ANO2: variants seen among roughly 807,000 people sequenced by gnomAD.
The protein encoded by ANO2 is anoctamin-2.
ANO2 carries 101 observed loss-of-function variants against 124.2 expected under a neutral mutation model. The observed-to-expected ratio is 0.81, with a 90% CI of 0.69 to 0.96. The LOEUF is 0.96. Ranked by LOEUF, ANO2 falls within the 40% of genes least tolerant of loss-of-function variation. The probability of loss-of-function intolerance (pLI) is 0.00; values close to 1 mark genes in which losing one functional copy is unlikely to be tolerated. For synonymous variants in ANO2, 486 were observed against 482.5 expected (o/e 1.01, Z -0.09); for missense variants, 1,293 against 1,274.5 (o/e 1.01, Z -0.22).
intron 13 of ANO2, chr12:5,739,055 A>C (rs1022884441): frequency 1.8e-5 from 11 of 615,594 alleles, no homozygotes; most frequent in African/African-American, 1.6e-4. Context: ...CTCTTTCCCC[A>C]GAGGAGGGCA....
At chr12:5,760,406 A>C (rs893603472) in intron 10 of ANO2, among the ~76,000 whole-genome samples, 1 of 152,228 alleles carries the variant, frequency 6.6e-6, no homozygotes, top group Non-Finnish European at 1.5e-5. Flanking sequence ...TAATGGAAGG[A>C]CTAAAGAGTA....
chr12:5,911,198 T>C (rs1288172679), intron 3 of ANO2, among the ~76,000 whole-genome samples: 2 of 152,168 alleles, frequency 1.3e-5, no homozygotes, highest in South Asian at 2.1e-4. Context: ...CCATGTCTTA[T>C]TCACCTCAGC....
At chr12:5,647,029 T>C (rs1420868103) in intron 15 of ANO2, among the ~76,000 whole-genome samples, 2 of 152,186 alleles carry the variant, frequency 1.3e-5, no homozygotes, top group African/African-American at 4.8e-5. Context: ...CACACTCCTT[T>C]GTAAAGCAGA....
chr12:5,563,192 A>G lies in ANO2; in HGVS notation c.*107T>C, dbSNP rs1356677760. 7.0e-7 allele frequency: 1 copy of G among 1,434,538 alleles called. No individual in the cohort carries two copies. Among genetic ancestry groups the G allele is most frequent in the East Asian group, 2.5e-5 (1 of 40,068 alleles). The allele number at this position is 1,434,538 out of a possible 1,614,324, so 88.9% of individuals were successfully genotyped here. A position where few individuals can be genotyped will look rare whatever the true frequency, so the allele number is the denominator to read the frequency against. ...CTGCCCCCTCTTCAAGACCCCATCA[A>G]GCCAGGCCCCTGCAGACAGACAGCA... On this transcript the variant is annotated 3_prime_UTR_variant, in exon 25 of 25. Coordinates refer to ENST00000682330, the MANE Select transcript of ANO2 (RefSeq NM_001364791.2).
chr12:5,775,645 T>C (rs563584549), intron 10 of ANO2, among the ~76,000 whole-genome samples: 11 of 152,104 alleles, frequency 7.2e-5, no homozygotes, highest in Non-Finnish European at 1.0e-4. Flanking sequence ...GTATTTTTAA[T>C]AGAGACAGGG....
intron 16 of ANO2, among the ~76,000 whole-genome samples, chr12:5,633,817 C>T (rs192910074): frequency 6.6e-6 from 1 of 152,286 alleles, no homozygotes; most frequent in Non-Finnish European, 1.5e-5. Flanking sequence ...TTCCTGCATG[C>T]CTTTCCTGAC....
chr12:5,680,449 A>G (rs912267793), intron 14 of ANO2, among the ~76,000 whole-genome samples: 1 of 152,210 alleles, frequency 6.6e-6, no homozygotes, highest in African/African-American at 2.4e-5. Flanking sequence ...GCTAAAATAA[A>G]TGCAAGTGCT....
rs549920461 is a variant in ANO2, at chr12:5,658,272, C to T, written c.1546-10471G>A. 3.1e-4 allele frequency among the ~76,000 whole-genome samples: 47 copies of T among 152,264 alleles called. No homozygotes were observed. The highest frequency in any genetic ancestry group is 9.9e-4 in the African/African-American group (41 of 41,552). On this transcript the variant is annotated intron_variant, in intron 14 of 24. Coordinates refer to ENST00000682330, the MANE Select transcript of ANO2 (RefSeq NM_001364791.2). The surrounding 1 kb of genome is among the most constrained non-coding windows in gnomAD (Gnocchi z 4.3). ...ACAAAGAGATTGAAAATAGTGCCAACGGTATGAGATTGCTGCTATGGAGAT... is the reference window on the plus strand; with the variant it reads ...ACAAAGAGATTGAAAATAGTGCCAATGGTATGAGATTGCTGCTATGGAGAT...
chr12:5,772,090 A>G (rs1481512764), intron 10 of ANO2, among the ~76,000 whole-genome samples: 1 of 152,132 alleles, frequency 6.6e-6, no homozygotes, highest in Non-Finnish European at 1.5e-5. Context: ...CCCACAACAG[A>G]TTTTTTAATA....
chr12:5,832,713 G>A, intron 4 of ANO2, 110 bp from the exon 5 acceptor site: 1 of 1,236,774 alleles, frequency 8.1e-7, no homozygotes, highest in African/African-American at 1.5e-5. Context: ...GAACATTGGA[G>A]AGAGGAAGAG....
chr12:5,931,264 C>A (rs971191279), intron 1 of ANO2, among the ~76,000 whole-genome samples: 62 of 152,006 alleles, frequency 4.1e-4, no homozygotes, highest in African/African-American at 1.4e-3. Context: ...CCCCCTATAC[C>A]CCCATTACCC....
intron 3 of ANO2, among the ~76,000 whole-genome samples, chr12:5,887,821 C>A (rs2137309131): frequency 6.6e-6 from 1 of 151,798 alleles, no homozygotes; most frequent in Middle Eastern, 3.4e-3. Context: ...TACTAACATG[C>A]CCCCCGGTTT....
At chr12:5,732,376 G>T (rs942065426) in intron 14 of ANO2, 144 bp downstream of exon 14, 2 of 632,416 alleles carry the variant, frequency 3.2e-6, no homozygotes, top group Non-Finnish European at 5.4e-6. Flanking sequence ...GCAGGACAAT[G>T]CGAGATGTCA....
intron 23 of ANO2, among the ~76,000 whole-genome samples, chr12:5,570,980 C>T (rs527911011): frequency 3.3e-5 from 5 of 152,148 alleles, no homozygotes; most frequent in South Asian, 2.1e-4. Flanking sequence ...CCTCTGGTTT[C>T]GGTGGGAAGC....
At position 5,573,745 on chromosome 12, in the gene ANO2, C is replaced by CT. The variant is rs1322671666; in HGVS notation, c.2621+2088dup. Among the ~76,000 whole-genome samples the CT allele has an allele frequency of 9.1e-4, 138 of 152,358 alleles. 2 individuals are homozygous for CT. The highest frequency in any genetic ancestry group is 2.2e-4 in the Non-Finnish European group (15 of 68,034). On this transcript the variant is annotated intron_variant, in intron 23 of 24. Coordinates refer to ENST00000682330, the MANE Select transcript of ANO2 (RefSeq NM_001364791.2). ...ACATCTAGGCTAATATAAATTGACA[C>CT]TTATGAGTAAATTTATTCATCAATT...
Position 5,921,244 on chromosome 12 carries a change from G to C in ANO2, c.330C>G (p.Arg110=). The change falls in exon 3 of 25, where the codon CGC becomes CGG. Residue 110 remains arginine (R), a synonymous_variant. Transcript: ENST00000682330. The part of the protein sequence containing the change: ...DYVLAYHYRK[R]GVHLAQGFPG... Reference sequence around the variant, plus strand: ...GGAAGCCTTGGGCCAGGTGCACCCCGCGTTTCCGGTAGTGGTAGGCAAGTA... The same window carrying C: ...GGAAGCCTTGGGCCAGGTGCACCCCCCGTTTCCGGTAGTGGTAGGCAAGTA... 1 of 1,613,980 alleles carries C rather than the reference G, an allele frequency of 6.2e-7. No homozygotes were observed. The highest frequency in any genetic ancestry group is 8.5e-7 in the Non-Finnish European group (1 of 1,179,876).
intron 7 of ANO2, among the ~76,000 whole-genome samples, chr12:5,811,968 C>T (rs10849342): frequency 0.32 from 48,022 of 151,630 alleles, 7,940 homozygotes; most frequent in Middle Eastern, 0.38. Flanking sequence ...CCAACCATAC[C>T]TTTTCAAGGT....
chr12:5,751,087 G>A lies in ANO2; in HGVS notation c.1056-117C>T, dbSNP rs567699271. 116 of 1,009,562 alleles carry A rather than the reference G, an allele frequency of 1.1e-4. No individual in the cohort carries two copies. The East Asian group carries it at 1.4e-3, about 12-fold the overall frequency. The allele number at this position is 1,009,562 out of a possible 1,614,324, so 62.5% of individuals were successfully genotyped here. A position where few individuals can be genotyped will look rare whatever the true frequency, so the allele number is the denominator to read the frequency against. On this transcript the variant is annotated intron_variant, in intron 10 of 24. Transcript: ENST00000682330. ...CATAGATATTCATTCCTCTTGTGAC[G>A]AAAACAAAGGGATGGAGGTTGCACG...
intron 14 of ANO2, among the ~76,000 whole-genome samples, chr12:5,720,156 T>C (rs1037927503): frequency 2.0e-5 from 3 of 152,290 alleles, no homozygotes; most frequent in East Asian, 1.9e-4. Context: ...TGGTGGTGGA[T>C]GGAGAAGGAG....
Sources: gnomAD v4.1 joint callset for allele counts (sites outside exome capture counted in the v4.1 genomes callset) on GRCh38, gnomAD v4.1.1 for gene constraint, Gnocchi (gnomAD v3.1) non-coding constraint, MANE v1.5 for transcripts, NCBI Gene and HGNC (gene_info 2026-07-23, HGNC 2026-07-21) for gene names.